The following FBXO47 variants were observed in gnomAD, a reference collection of about 807,000 sequenced individuals.
FBXO47 encodes F-box only protein 47.
A neutral mutation model predicts 53.9 loss-of-function variants in FBXO47; 34 were observed. The ratio of observed to expected loss-of-function variants is 0.63; its 90% CI spans 0.48 to 0.84. The LOEUF (loss-of-function observed/expected upper bound fraction) is 0.84, where lower values mean the gene tolerates loss of function less well. FBXO47 is among the 40% of genes least tolerant of loss of function. The pLI is 0.00. For synonymous variants in FBXO47, 165 were observed against 181.6 expected (o/e 0.91, Z 0.73); for missense variants, 485 against 541.3 (o/e 0.90, Z 1.03).
intron 1 of FBXO47, 118 bp from the exon 2 acceptor site, chr17:38,963,169 T>C (rs942640245): frequency 2.5e-5 from 15 of 610,376 alleles, no homozygotes; most frequent in Non-Finnish European, 4.2e-5. Flanking sequence ...TTTCTCTGTA[T>C]TTGCAAAAGA....
At position 38,943,575 on chromosome 17, in the gene FBXO47, A is replaced by C. The variant is rs1199271078; in HGVS notation, c.940+15T>G. On this transcript the variant is annotated intron_variant, in intron 8 of 10. Coordinates refer to ENST00000378079, the MANE Select transcript of FBXO47 (RefSeq NM_001008777.3). Reference sequence around the variant, plus strand: ...TAAATTTCTATTATTCTATGTTAGTAAATATATTTTTTACCTGATAGTTCA... The same window carrying C: ...TAAATTTCTATTATTCTATGTTAGTCAATATATTTTTTACCTGATAGTTCA... 1 of 1,487,362 alleles carries C rather than the reference A, an allele frequency of 6.7e-7. No homozygotes were observed. The highest frequency in any genetic ancestry group is 9.1e-7 in the Non-Finnish European group (1 of 1,099,858). 92.1% of individuals were successfully genotyped at this position (1,487,362 alleles called of 1,614,324 possible). A position where few individuals can be genotyped will look rare whatever the true frequency, so the allele number is the denominator to read the frequency against.
intron 5 of FBXO47, among the ~76,000 whole-genome samples, chr17:38,954,405 C>G (rs1389037003): frequency 6.6e-6 from 1 of 152,092 alleles, no homozygotes; most frequent in Non-Finnish European, 1.5e-5. Flanking sequence ...TAGTTATTAT[C>G]TTCTTTGTTT....
chr17:38,947,106 A>AAAC, intron 6 of FBXO47, among the ~76,000 whole-genome samples: 1 of 92,376 alleles, frequency 1.1e-5, no homozygotes, highest in African/African-American at 3.0e-5. Flanking sequence ...ATATATATAA[A>AAAC]CATATATATA....
chr17:38,963,791 GT>G (rs1567723800), intron 1 of FBXO47, among the ~76,000 whole-genome samples: 1 of 140,000 alleles, frequency 7.1e-6, no homozygotes, highest in East Asian at 2.2e-4. Flanking sequence ...TGTTGTTGTT[GT>G]TGTTTTGTTG....
chr17:38,962,081 T>TG, intron 2 of FBXO47, 34 bp from the exon 3 acceptor site: 2 of 1,550,246 alleles, frequency 1.3e-6, no homozygotes, highest in Non-Finnish European at 1.8e-6. Context: ...TATGTATCAA[T>TG]GGCTTAAATG....
At chr17:38,952,067 C>A (rs893144544) in intron 5 of FBXO47, among the ~76,000 whole-genome samples, 1 of 152,116 alleles carries the variant, frequency 6.6e-6, no homozygotes. Context: ...TGGCTCACAC[C>A]TGTAATCTCA....
At chr17:38,950,035 AT>A (rs1342734403) in intron 6 of FBXO47, among the ~76,000 whole-genome samples, 1 of 152,150 alleles carries the variant, frequency 6.6e-6, no homozygotes, top group Non-Finnish European at 1.5e-5. Flanking sequence ...ATCACATAAA[AT>A]TTGCCATTCT....
intron 7 of FBXO47, among the ~76,000 whole-genome samples, chr17:38,944,307 C>T (rs561665985): frequency 1.3e-5 from 2 of 151,706 alleles, no homozygotes; most frequent in South Asian, 2.1e-4. Flanking sequence ...GGGAGGATCA[C>T]TTGAGCCCAA....
intron 10 of FBXO47, 31 bp downstream of exon 10, chr17:38,938,542 A>G (rs1055235563): frequency 2.0e-6 from 3 of 1,511,522 alleles, no homozygotes; most frequent in Non-Finnish European, 2.7e-6. Context: ...ATTTTTACGC[A>G]CACCTGTGCA....
intron 3 of FBXO47, among the ~76,000 whole-genome samples, chr17:38,958,271 G>A (rs943548768): frequency 2.6e-5 from 4 of 151,992 alleles, no homozygotes; most frequent in Admixed American, 6.6e-5. Context: ...GCGTTGGGCC[G>A]AGAAAACAGG....
chr17:38,950,551 C>T lies in FBXO47; in HGVS notation c.616+1030G>A, dbSNP rs575027669. On this transcript the variant is annotated intron_variant, in intron 6 of 10. Coordinates refer to ENST00000378079, the MANE Select transcript of FBXO47 (RefSeq NM_001008777.3). ...CTAGGCTCAAGTAATCCTCCCACTT[C>T]GGCCTCCTAAAGTGCTGAGATTACA... 1.3e-4 allele frequency among the ~76,000 whole-genome samples: 19 copies of T among 150,236 alleles called. No homozygotes were observed. In the South Asian group the frequency reaches 3.4e-3, roughly 27 times the overall value.
chr17:38,943,322 A>G (rs558105854), intron 8 of FBXO47, among the ~76,000 whole-genome samples: 1 of 152,310 alleles, frequency 6.6e-6, no homozygotes, highest in South Asian at 2.1e-4. Context: ...AGAATTTACA[A>G]CATGGGAGTA....
chr17:38,946,380 A>C (rs1473029825), intron 6 of FBXO47, among the ~76,000 whole-genome samples: 1 of 95,380 alleles, frequency 1.0e-5, no homozygotes, highest in African/African-American at 4.7e-5. Flanking sequence ...ATATATATAT[A>C]AATATATATA....
At chr17:38,965,023 T>C (rs902175733) in intron 1 of FBXO47, among the ~76,000 whole-genome samples, 3 of 152,092 alleles carry the variant, frequency 2.0e-5, no homozygotes, top group African/African-American at 7.2e-5. Flanking sequence ...CTAATTTCTG[T>C]ATTTTTAGTA....
chr17:38,964,880 C>T (rs563099810), intron 1 of FBXO47, among the ~76,000 whole-genome samples: 13 of 152,052 alleles, frequency 8.5e-5, no homozygotes, highest in African/African-American at 2.2e-4. Context: ...TGGCATGACG[C>T]GATCTCAGCT....
intron 1 of FBXO47, among the ~76,000 whole-genome samples, chr17:38,963,310 T>A (rs1356938240): frequency 6.6e-6 from 1 of 152,086 alleles, no homozygotes; most frequent in Non-Finnish European, 1.5e-5. Flanking sequence ...CCTAAGTAGC[T>A]GGGATTACAG....
In FBXO47 at chr17:38,962,968, T is replaced by C; in HGVS notation, c.58A>G (p.Ser20Gly). ...GAATAACAGCTGGTTTGACGATTACTACGTCTAAGTTTCTGGTTGGGAATC... is the reference window on the plus strand; with the variant it reads ...GAATAACAGCTGGTTTGACGATTACCACGTCTAAGTTTCTGGTTGGGAATC... Reference protein sequence around the residue: ...TLIPNQKLRRSNRQTSCYSKT... With the variant: ...TLIPNQKLRRGNRQTSCYSKT... The change falls in exon 2 of 11, where the codon AGT (serine) becomes GGT (glycine). Residue 20 changes from serine to glycine, a missense_variant. Coordinates refer to ENST00000378079, the MANE Select transcript of FBXO47 (RefSeq NM_001008777.3). 1 of 1,612,912 alleles carries C rather than the reference T, an allele frequency of 6.2e-7. No individual in the cohort carries two copies. Among genetic ancestry groups the C allele is most frequent in the South Asian group, 1.1e-5 (1 of 90,982 alleles).
At chr17:38,949,345 AG>A (rs1905088951) in intron 6 of FBXO47, among the ~76,000 whole-genome samples, 1 of 152,084 alleles carries the variant, frequency 6.6e-6, no homozygotes, top group Admixed American at 6.6e-5. Flanking sequence ...GCTTGAGCCC[AG>A]GAAGTGGAGG....
intron 2 of FBXO47, 83 bp downstream of exon 2, chr17:38,962,762 C>T: frequency 1.1e-6 from 1 of 947,214 alleles, no homozygotes; most frequent in Non-Finnish European, 1.5e-6. Context: ...TTTAGCATGG[C>T]CCAAGATGAC....
Sources: allele counts gnomAD v4.1 joint callset (sites outside exome capture counted in the v4.1 genomes callset), GRCh38; gene constraint gnomAD v4.1.1; transcripts MANE v1.5; gene names NCBI Gene and HGNC (gene_info 2026-07-23, HGNC 2026-07-21).